The following VPS41 variants were observed in gnomAD, a reference collection of about 807,000 sequenced individuals.
The protein encoded by VPS41 is VPS41 subunit of HOPS complex.
A neutral mutation model predicts 130.9 loss-of-function variants in VPS41; 85 were observed. The observed-to-expected ratio is 0.65, with a 90% confidence interval of 0.55 to 0.78. VPS41 has a LOEUF of 0.78. Among genes scored for constraint, VPS41 ranks in the 30% least tolerant of loss-of-function variants. VPS41 has a pLI of 0.00. For missense variants in VPS41, 874 were observed against 1,018.7 expected, an observed-to-expected ratio of 0.86 and a Z score of 1.93; for synonymous variants, 335 against 332.9, an observed-to-expected ratio of 1.01 and a Z score of -0.07.
intron 2 of VPS41, among the ~76,000 whole-genome samples, chr7:38,881,531 A>G (rs1486373963): frequency 4.6e-5 from 7 of 152,224 alleles, no homozygotes; most frequent in Non-Finnish European, 1.0e-4. Flanking sequence ...AGAGAATAAT[A>G]TAAGGATCAG....
chr7:38,792,309 C>T (rs1272189003), intron 9 of VPS41, among the ~76,000 whole-genome samples: 1 of 152,226 alleles, frequency 6.6e-6, no homozygotes, highest in East Asian at 1.9e-4. Flanking sequence ...TGCCCATGAA[C>T]TCTAATCTGC....
chr7:38,755,047 A>G (rs1366945075), intron 19 of VPS41, 111 bp from the exon 20 acceptor site: 1 of 929,674 alleles, frequency 1.1e-6, no homozygotes, highest in Non-Finnish European at 1.7e-6. Flanking sequence ...CTTATTTTGT[A>G]TACTTAAGGA....
chr7:38,893,313 G>A (rs968563821), intron 2 of VPS41, among the ~76,000 whole-genome samples: 8 of 152,132 alleles, frequency 5.3e-5, no homozygotes, highest in African/African-American at 9.7e-5. Context: ...TCCCAGCTTC[G>A]CTGCCCAGAC....
chr7:38,851,371 C>A (rs1204094994), intron 4 of VPS41, among the ~76,000 whole-genome samples: 1 of 152,190 alleles, frequency 6.6e-6, no homozygotes, highest in East Asian at 1.9e-4. Context: ...TCTTTGACTA[C>A]AGATTTGTTT....
chr7:38,860,971 G>A (rs1786097646), intron 4 of VPS41, among the ~76,000 whole-genome samples: 1 of 152,010 alleles, frequency 6.6e-6, no homozygotes, highest in South Asian at 2.1e-4. Context: ...AAGGTGCAAA[G>A]CTATAGAGAG....
rs751571855 is a variant in VPS41, at chr7:38,743,557, G to C, written c.1982-15C>G. 1 of 1,611,816 alleles carries C rather than the reference G, an allele frequency of 6.2e-7. No homozygotes were observed. The highest frequency in any genetic ancestry group is 2.2e-5 in the East Asian group (1 of 44,836). On this transcript the variant is annotated splice_polypyrimidine_tract_variant and intron_variant, in intron 23 of 28. Transcript: ENST00000310301. ...ACCCATTCGGCCTTGGTGGGGTGAA[G>C]ATGGGAGAAAGAGTTCATTTAAGGT... is the stretch of plus-strand genomic sequence containing the variant.
chr7:38,764,374 C>T (rs1156667238), intron 16 of VPS41, among the ~76,000 whole-genome samples: 6 of 151,988 alleles, frequency 3.9e-5, no homozygotes, highest in Admixed American at 2.6e-4. Context: ...TGCGAGATGG[C>T]GTCACTGAAG....
intron 1 of VPS41, among the ~76,000 whole-genome samples, chr7:38,905,361 T>C (rs1787237776): frequency 2.6e-5 from 4 of 152,214 alleles, no homozygotes. Context: ...TAAGCAAAAC[T>C]GCTGGTTAGA....
intron 4 of VPS41, among the ~76,000 whole-genome samples, chr7:38,845,176 G>C (rs1444012053): frequency 6.6e-6 from 1 of 152,144 alleles, no homozygotes; most frequent in East Asian, 1.9e-4. Context: ...TAGAAGCCTG[G>C]CTCGCACACA....
At chr7:38,878,690 G>C (rs1350079017) in intron 2 of VPS41, among the ~76,000 whole-genome samples, 1 of 152,192 alleles carries the variant, frequency 6.6e-6, no homozygotes, top group African/African-American at 2.4e-5. Context: ...GGGCCATCTT[G>C]ACAGACACTG....
chr7:38,892,584 T>C (rs1469650352), intron 2 of VPS41, among the ~76,000 whole-genome samples: 1 of 152,172 alleles, frequency 6.6e-6, no homozygotes, highest in South Asian at 2.1e-4. Context: ...ACTTAAAAAA[T>C]AAAATTCCAG....
In VPS41 at chr7:38,743,357, C is replaced by G. The variant is rs199976348; in HGVS notation, c.2122+45G>C. 1.3e-4 allele frequency: 213 copies of G among 1,610,188 alleles called. No individual in the cohort carries two copies. The African/African-American group carries it at 2.7e-3, about 21-fold the overall frequency. On this transcript the variant is annotated intron_variant, in intron 24 of 28. Transcript: ENST00000310301. ...TTTAATCTAGACATAACTGGTTACA[C>G]TGAGAGAAAAAAAAGTTATAACCAG...
intron 2 of VPS41, among the ~76,000 whole-genome samples, chr7:38,890,610 A>T (rs1786840102): frequency 6.6e-6 from 1 of 152,164 alleles, no homozygotes; most frequent in Non-Finnish European, 1.5e-5. Context: ...CTGGCGTGAT[A>T]TTGTACTAGA....
chr7:38,847,374 C>T (rs368609481), intron 4 of VPS41, among the ~76,000 whole-genome samples: 1 of 152,106 alleles, frequency 6.6e-6, no homozygotes, highest in Non-Finnish European at 1.5e-5. Context: ...CACTACAGTT[C>T]CAGAAAACAA....
intron 27 of VPS41, among the ~76,000 whole-genome samples, chr7:38,728,083 T>C (rs2115558203): frequency 6.6e-6 from 1 of 152,140 alleles, no homozygotes; most frequent in African/African-American, 2.4e-5. Flanking sequence ...TACCTATAAA[T>C]TTTTTTTCCC....
intron 4 of VPS41, among the ~76,000 whole-genome samples, chr7:38,845,317 G>A (rs143020329): frequency 4.6e-5 from 7 of 152,306 alleles, no homozygotes; most frequent in South Asian, 2.1e-4. Context: ...GCCAGAGACC[G>A]TGCTGGATAG....
chr7:38,778,479 A>G (rs1348036985), intron 10 of VPS41, among the ~76,000 whole-genome samples: 1 of 152,132 alleles, frequency 6.6e-6, no homozygotes, highest in Non-Finnish European at 1.5e-5. Context: ...GCCACAAAGG[A>G]CCCAGTGATG....
rs1399992468 is a variant in VPS41 at position 38,830,144 on chromosome 7, A to G, written c.321+110T>C. 4 of 743,982 alleles carry G rather than the reference A, an allele frequency of 5.4e-6. No individual in the cohort carries two copies. The Admixed American group carries it at 8.2e-5, about 15-fold the overall frequency. 46.1% of individuals were successfully genotyped at this position (743,982 alleles called of 1,614,324 possible). A position where few individuals can be genotyped will look rare whatever the true frequency, so the allele number is the denominator to read the frequency against. On this transcript the variant is annotated intron_variant, in intron 5 of 28. Transcript: ENST00000310301. ...AATCAGAAGCAAGTTCAATACTCAG[A>G]AAGAATAATCAAGATTGTCTTAATG...
intron 4 of VPS41, among the ~76,000 whole-genome samples, chr7:38,861,078 G>A (rs1786100392): frequency 6.6e-6 from 1 of 152,128 alleles, no homozygotes; most frequent in African/African-American, 2.4e-5. Context: ...ACCTGAAAGA[G>A]GATGGATGTA....
Sources: gnomAD v4.1 joint callset for allele counts (sites outside exome capture counted in the v4.1 genomes callset) on GRCh38, gnomAD v4.1.1 for gene constraint, MANE v1.5 for transcripts, NCBI Gene and HGNC (gene_info 2026-07-23, HGNC 2026-07-21) for gene names.